AGAP1: variants seen among roughly 807,000 people sequenced by gnomAD.
The protein encoded by AGAP1 is arf-GAP with GTPase, ANK repeat and PH domain-containing protein 1.
In AGAP1, 29 loss-of-function variants were observed where a neutral mutation model predicts 105.3. The ratio of observed to expected loss-of-function variants is 0.28; its 90% CI spans 0.21 to 0.38. AGAP1 has a LOEUF of 0.38. Ranked by LOEUF, AGAP1 falls within the 10% of genes least tolerant of loss-of-function variation. AGAP1 has a pLI of 1.00. For synonymous variants in AGAP1, 509 were observed against 485.9 expected, an observed-to-expected ratio of 1.05 and a Z score of -0.63; for missense variants, 998 against 1,165.1, an observed-to-expected ratio of 0.86 and a Z score of 2.09.
At chr2:236,107,869 C>T (rs2059540029) in intron 16 of AGAP1, among the ~76,000 whole-genome samples, 1 of 152,230 alleles carries the variant, frequency 6.6e-6, no homozygotes, top group Non-Finnish European at 1.5e-5. Context: ...AGTAATAAGC[C>T]TAATATGGTT....
chr2:235,927,536 G>A lies in AGAP1; in HGVS notation c.1325-3229G>A, dbSNP rs1318522830. Among the ~76,000 whole-genome samples, 1 of 152,200 alleles carries A rather than the reference G, an allele frequency of 6.6e-6. No individual in the cohort carries two copies. Among genetic ancestry groups the A allele is most frequent in the African/African-American group, 2.4e-5 (1 of 41,458 alleles). ...TTTTGGCAGTGTGATGTTTGGCCAT[G>A]AGATGAAGAACTCATAAACCTAAGA... On this transcript the variant is annotated intron_variant, in intron 11 of 17. Coordinates refer to ENST00000304032, the MANE Select transcript of AGAP1 (RefSeq NM_001037131.3). The surrounding 1 kb of genome is among the most constrained non-coding windows in gnomAD (Gnocchi z 4.4).
At chr2:235,673,478 G>A (rs2149369380) in intron 1 of AGAP1, among the ~76,000 whole-genome samples, 1 of 152,324 alleles carries the variant, frequency 6.6e-6, no homozygotes, top group East Asian at 1.9e-4. Flanking sequence ...ATAGAACGCT[G>A]CTTGTGAGAT....
At chr2:235,766,921 T>G (rs1369215516) in intron 6 of AGAP1, among the ~76,000 whole-genome samples, 2 of 150,592 alleles carry the variant, frequency 1.3e-5, no homozygotes, top group African/African-American at 4.9e-5. Context: ...TTTTTTTTTT[T>G]TTTTTTTTGT....
chr2:236,121,015 G>A lies in AGAP1; in HGVS notation c.2370+568G>A, dbSNP rs1254619811. ...CCTGCCTGTGCCACCCAGGAGCTACGTCTGAGAAGCCACGCCCACTTAGGG... is the reference window on the plus strand; with the variant it reads ...CCTGCCTGTGCCACCCAGGAGCTACATCTGAGAAGCCACGCCCACTTAGGG... On this transcript the variant is annotated intron_variant, in intron 17 of 17. Transcript: ENST00000304032. This position sits in a 1 kb window ranked among gnomAD's most constrained non-coding sequence, Gnocchi z 4.9. 6.6e-6 allele frequency among the ~76,000 whole-genome samples: 1 copy of A among 152,014 alleles called. No individual in the cohort carries two copies. The highest frequency in any genetic ancestry group is 2.1e-4 in the South Asian group (1 of 4,830).
In AGAP1 at chr2:235,740,993, A is replaced by G; in HGVS notation, c.341A>G (p.Asp114Gly). Residue 114 changes from aspartate (D) to glycine (G), a missense_variant, in exon 4 of 18, where the codon GAT (aspartate) becomes GGT (glycine). Around this residue, in one of 3 missense-constraint regions of AGAP1, gnomAD observed 735 missense variants for 833.4 expected, o/e 0.88. Transcript: ENST00000304032. The surrounding 1 kb of genome is among the most constrained non-coding windows in gnomAD (Gnocchi z 5.7). ...AGGTTCAAGAAAGAGATTGTCGTTG[A>G]TGGACAGAGCTATCTGCTGCTGATC... Reference protein sequence around the residue: ...GGRFKKEIVVDGQSYLLLIRD... With the variant: ...GGRFKKEIVVGGQSYLLLIRD... 6.2e-7 allele frequency: 1 copy of G among 1,614,182 alleles called. No individual in the cohort carries two copies. Among genetic ancestry groups the G allele is most frequent in the Non-Finnish European group, 8.5e-7 (1 of 1,180,018 alleles).
At position 235,728,002 on chromosome 2, in the gene AGAP1, C is replaced by T. The variant is rs1039527685; in HGVS notation, c.310+10358C>T. On this transcript the variant is annotated intron_variant, in intron 3 of 17. Coordinates refer to ENST00000304032, the MANE Select transcript of AGAP1 (RefSeq NM_001037131.3). The surrounding 1 kb of genome is among the most constrained non-coding windows in gnomAD (Gnocchi z 4.3). The stretch of plus-strand genomic sequence containing the variant: ...ACGTTCCACTCAGCACCGATTAGAG[C>T]TGGGATTGCCTCTCGCAACTCCCCA... 1.3e-5 allele frequency among the ~76,000 whole-genome samples: 2 copies of T among 152,156 alleles called. No individual in the cohort carries two copies. Among genetic ancestry groups the T allele is most frequent in the African/African-American group, 4.8e-5 (2 of 41,434 alleles).
chr2:235,973,680 T>A lies in AGAP1; in HGVS notation c.1645+5057T>A, dbSNP rs2054744726. On this transcript the variant is annotated intron_variant, in intron 13 of 17. Coordinates refer to ENST00000304032, the MANE Select transcript of AGAP1 (RefSeq NM_001037131.3). This position sits in a 1 kb window ranked among gnomAD's most constrained non-coding sequence, Gnocchi z 4.7. ...TGGCCCAGGTGGTAACCATGGGACCTGATGGGTGGAAGCCTCAAGGAGGTG... is the reference window on the plus strand; with the variant it reads ...TGGCCCAGGTGGTAACCATGGGACCAGATGGGTGGAAGCCTCAAGGAGGTG... Among the ~76,000 whole-genome samples the A allele has an allele frequency of 6.6e-6, 1 of 152,172 alleles. No homozygotes were observed. Among genetic ancestry groups the A allele is most frequent in the Admixed American group, 6.5e-5 (1 of 15,284 alleles).
intron 13 of AGAP1, among the ~76,000 whole-genome samples, chr2:236,022,981 C>T (rs540028487): frequency 3.3e-5 from 5 of 152,216 alleles, no homozygotes; most frequent in African/African-American, 9.6e-5. Flanking sequence ...CTAAGCCACA[C>T]GCCTATTTAA....
intron 1 of AGAP1, among the ~76,000 whole-genome samples, chr2:235,696,406 A>T (rs1202892749): frequency 6.6e-6 from 1 of 152,106 alleles, no homozygotes; most frequent in African/African-American, 2.4e-5. Flanking sequence ...TGACAGGGGA[A>T]CCAAGAGTCG....
intron 6 of AGAP1, among the ~76,000 whole-genome samples, chr2:235,796,183 A>G (rs1957234729): frequency 6.6e-6 from 1 of 152,226 alleles, no homozygotes; most frequent in Admixed American, 6.5e-5. Context: ...TTTCAAAAAC[A>G]AAGTAGCAAT....
In AGAP1 at chr2:235,719,718, C is replaced by G. The variant is rs759081506; in HGVS notation, c.310+2074C>G. Among the ~76,000 whole-genome samples, 6 of 152,156 alleles carry G rather than the reference C, an allele frequency of 3.9e-5. No individual in the cohort carries two copies. Among genetic ancestry groups the G allele is most frequent in the Admixed American group, 6.5e-5 (1 of 15,280 alleles). On this transcript the variant is annotated intron_variant, in intron 3 of 17. Coordinates refer to ENST00000304032, the MANE Select transcript of AGAP1 (RefSeq NM_001037131.3). The surrounding 1 kb of genome is among the most constrained non-coding windows in gnomAD (Gnocchi z 4.9). Reference sequence around the variant, plus strand: ...CTGGGTCAGGGGAAAGATCATGATCCCTGACCTTTTCTCATGCCCTGCAGC... The same window carrying G: ...CTGGGTCAGGGGAAAGATCATGATCGCTGACCTTTTCTCATGCCCTGCAGC...
At position 236,055,249 on chromosome 2, in the gene AGAP1, A is replaced by G. The variant is rs1039514467; in HGVS notation, c.2114+5968A>G. ...TCTACTCCGGCGATCAGAGTTAACAATTATAGCAAGGACAGTTTAACTTTC... is the reference window on the plus strand; with the variant it reads ...TCTACTCCGGCGATCAGAGTTAACAGTTATAGCAAGGACAGTTTAACTTTC... On this transcript the variant is annotated intron_variant, in intron 16 of 17. Coordinates refer to ENST00000304032, the MANE Select transcript of AGAP1 (RefSeq NM_001037131.3). This position sits in a 1 kb window ranked among gnomAD's most constrained non-coding sequence, Gnocchi z 6.2. 6.6e-6 allele frequency among the ~76,000 whole-genome samples: 1 copy of G among 152,154 alleles called. No homozygotes were observed. Among genetic ancestry groups the G allele is most frequent in the African/African-American group, 2.4e-5 (1 of 41,428 alleles).
rs976806394 is a variant in AGAP1 at position 235,900,174 on chromosome 2, T to C, written c.1156-8564T>C. On this transcript the variant is annotated intron_variant, in intron 10 of 17. Transcript: ENST00000304032. This position sits in a 1 kb window ranked among gnomAD's most constrained non-coding sequence, Gnocchi z 5.5. Reference sequence around the variant, plus strand: ...TTCTCGTTTACCACGTGTAGCATAATGACCCAGACCCAATAAAGCATTTAC... The same window carrying C: ...TTCTCGTTTACCACGTGTAGCATAACGACCCAGACCCAATAAAGCATTTAC... 6.6e-6 allele frequency among the ~76,000 whole-genome samples: 1 copy of C among 152,214 alleles called. No homozygotes were observed. Among genetic ancestry groups the C allele is most frequent in the Non-Finnish European group, 1.5e-5 (1 of 68,046 alleles).
In AGAP1 at chr2:236,101,291, A is replaced by G. The variant is rs2059339882; in HGVS notation, c.2115-18901A>G. Among the ~76,000 whole-genome samples the G allele has an allele frequency of 6.6e-6, 1 of 152,182 alleles. No individual in the cohort carries two copies. Among genetic ancestry groups the G allele is most frequent in the Admixed American group, 6.5e-5 (1 of 15,284 alleles). On this transcript the variant is annotated intron_variant, in intron 16 of 17. Coordinates refer to ENST00000304032, the MANE Select transcript of AGAP1 (RefSeq NM_001037131.3). The surrounding 1 kb of genome is among the most constrained non-coding windows in gnomAD (Gnocchi z 4.9). ...GAAGACTCCTTATTGTTCCAAAGCA[A>G]TGGTCCTATGTCTTTAAACAATAAT...
rs1266365154 is a variant in AGAP1, at chr2:235,930,719, T to G, written c.1325-46T>G. 2 of 1,586,850 alleles carry G rather than the reference T, an allele frequency of 1.3e-6. No individual in the cohort carries two copies. Among genetic ancestry groups the G allele is most frequent in the Non-Finnish European group, 1.7e-6 (2 of 1,165,686 alleles). On this transcript the variant is annotated intron_variant, in intron 11 of 17. Transcript: ENST00000304032. The surrounding 1 kb of genome is among the most constrained non-coding windows in gnomAD (Gnocchi z 7.9). ...ATAGACTAACTCGCGCTGGTTTCTGTGGTCTGCAGTCCGCGGTGGTGTTCA... is the reference window on the plus strand; with the variant it reads ...ATAGACTAACTCGCGCTGGTTTCTGGGGTCTGCAGTCCGCGGTGGTGTTCA...
At position 236,126,212 on chromosome 2, in the gene AGAP1, CCTG is replaced by C. The variant is rs1559302098; in HGVS notation, c.*2092_*2094del. 6.6e-6 allele frequency: 1 copy of C among 152,196 alleles called. No homozygotes were observed. The highest frequency in any genetic ancestry group is 1.9e-4 in the East Asian group (1 of 5,196). The allele number at this position is 152,196 out of a possible 1,614,324, so 9.4% of individuals were successfully genotyped here. On this transcript the variant is annotated 3_prime_UTR_variant, in exon 18 of 18. Coordinates refer to ENST00000304032, the MANE Select transcript of AGAP1 (RefSeq NM_001037131.3). The stretch of plus-strand genomic sequence containing the variant: ...AGAACCTTGACGACAGTTCCATCGT[CCTG>C]CCATTTGATTTTTCAGTCTGCGTTT...
At position 235,905,359 on chromosome 2, in the gene AGAP1, A is replaced by G. The variant is rs1338620704; in HGVS notation, c.1156-3379A>G. ...TGCAAGAAGGAATTCATTATTTACA[A>G]GCATTAACTTTGGTTTGGAAAGTTG... On this transcript the variant is annotated intron_variant, in intron 10 of 17. Coordinates refer to ENST00000304032, the MANE Select transcript of AGAP1 (RefSeq NM_001037131.3). This position sits in a 1 kb window ranked among gnomAD's most constrained non-coding sequence, Gnocchi z 4.2. Among the ~76,000 whole-genome samples the G allele has an allele frequency of 6.6e-6, 1 of 152,224 alleles. No homozygotes were observed. Among genetic ancestry groups the G allele is most frequent in the Non-Finnish European group, 1.5e-5 (1 of 68,042 alleles).
chr2:235,506,122 G>C (rs1941796227), intron 1 of AGAP1, among the ~76,000 whole-genome samples: 1 of 151,858 alleles, frequency 6.6e-6, no homozygotes, highest in East Asian at 1.9e-4. Flanking sequence ...GTAGAGATAG[G>C]GTTTCACCAC....
rs942113616 is a variant in AGAP1 at position 235,748,000 on chromosome 2, G to A, written c.539-2354G>A. On this transcript the variant is annotated intron_variant, in intron 5 of 17. Coordinates refer to ENST00000304032, the MANE Select transcript of AGAP1 (RefSeq NM_001037131.3). The surrounding 1 kb of genome is among the most constrained non-coding windows in gnomAD (Gnocchi z 5.0). ...TCTGGGCAGTAGCCAAGGACTGCAC[G>A]AATGTTCATAATTGGGCAAGATGGG... Among the ~76,000 whole-genome samples the A allele has an allele frequency of 2.6e-5, 4 of 152,268 alleles. No homozygotes were observed. The highest frequency in any genetic ancestry group is 4.8e-5 in the African/African-American group (2 of 41,470).
Sources: allele counts gnomAD v4.1 joint callset (sites outside exome capture counted in the v4.1 genomes callset), GRCh38; gene constraint gnomAD v4.1.1; regional missense constraint gnomAD v4.1.1; non-coding constraint Gnocchi (gnomAD v3.1); transcripts MANE v1.5; gene names NCBI Gene and HGNC (gene_info 2026-07-23, HGNC 2026-07-21).